Variants in COL25A1 observed in about 807,000 individuals in gnomAD.
COL25A1 encodes the protein collagen type XXV alpha 1 chain, also known as collagen alpha-1(XXV) chain.
In COL25A1, 103 loss-of-function variants were observed where a neutral mutation model predicts 128.4. The observed-to-expected ratio is 0.80, with a 90% CI of 0.68 to 0.94. The LOEUF (loss-of-function observed/expected upper bound fraction) is 0.94, where lower values mean the gene tolerates loss of function less well. Ranked by LOEUF, COL25A1 falls within the 40% of genes least tolerant of loss-of-function variation. The probability of loss-of-function intolerance (pLI) is 0.00; values close to 1 mark genes in which losing one functional copy is unlikely to be tolerated. For missense variants in COL25A1, 745 were observed against 840.0 expected, an observed-to-expected ratio of 0.89 and a Z score of 1.40; for synonymous variants, 279 against 277.2, an observed-to-expected ratio of 1.01 and a Z score of -0.06.
chr4:109,070,362 CTTT>C (rs34215492), intron 3 of COL25A1, among the ~76,000 whole-genome samples: 1 of 149,178 alleles, frequency 6.7e-6, no homozygotes, highest in African/African-American at 2.5e-5. Flanking sequence ...ATTTTTTAAT[CTTT>C]TTTTTTTTTA....
intron 19 of COL25A1, among the ~76,000 whole-genome samples, chr4:108,869,613 G>C (rs896138816): frequency 5.3e-5 from 8 of 152,206 alleles, no homozygotes; most frequent in African/African-American, 1.9e-4. Context: ...GAGAATCAGA[G>C]AGGTAGAGAA....
intron 3 of COL25A1, among the ~76,000 whole-genome samples, chr4:109,215,435 T>C (rs1218360639): frequency 6.6e-6 from 1 of 152,080 alleles, no homozygotes; most frequent in Non-Finnish European, 1.5e-5. Context: ...AAGAAAACAA[T>C]ATAGTTTATT....
intron 30 of COL25A1, among the ~76,000 whole-genome samples, chr4:108,843,430 G>T (rs1734699329): frequency 6.6e-6 from 1 of 152,118 alleles, no homozygotes; most frequent in East Asian, 1.9e-4. Context: ...TAGACTGCCT[G>T]ACTTGCTCTT....
At chr4:108,899,286 G>T in intron 14 of COL25A1, 106 bp from the exon 15 acceptor site, 1 of 1,032,884 alleles carries the variant, frequency 9.7e-7, no homozygotes, top group Non-Finnish European at 1.4e-6. Context: ...AATTATGCAT[G>T]ACATTTTCTA....
chr4:109,261,967 G>A (rs1055430564), intron 3 of COL25A1, among the ~76,000 whole-genome samples: 2 of 151,804 alleles, frequency 1.3e-5, no homozygotes, highest in African/African-American at 4.8e-5. Flanking sequence ...AAAGTGCTGG[G>A]ATTACAGGCA....
intron 5 of COL25A1, among the ~76,000 whole-genome samples, chr4:109,031,317 C>T (rs962818565): frequency 1.3e-5 from 2 of 151,852 alleles, no homozygotes; most frequent in Admixed American, 6.6e-5. Flanking sequence ...GGGGTTTCAC[C>T]GTGTTAGCCA....
intron 31 of COL25A1, chr4:108,838,136 G>C: frequency 1.3e-6 from 2 of 1,550,312 alleles, no homozygotes; most frequent in Non-Finnish European, 1.7e-6. Flanking sequence ...TTTTGACCTG[G>C]TTCACCCTTC....
intron 3 of COL25A1, among the ~76,000 whole-genome samples, chr4:109,166,949 C>T (rs1177017489): frequency 6.6e-6 from 1 of 152,028 alleles, no homozygotes; most frequent in Non-Finnish European, 1.5e-5. Context: ...GAGGAAAGTA[C>T]TTATAGGGTG....
chr4:108,927,513 G>C (rs151197547), intron 11 of COL25A1, among the ~76,000 whole-genome samples: 2 of 152,050 alleles, frequency 1.3e-5, no homozygotes, highest in Non-Finnish European at 2.9e-5. Context: ...CAGTTGTTCT[G>C]TTTAAGTATC....
chr4:108,940,484 A>G, intron 10 of COL25A1, 55 bp downstream of exon 10: 1 of 1,454,694 alleles, frequency 6.9e-7, no homozygotes, highest in Non-Finnish European at 9.7e-7. Flanking sequence ...CCTAGTTCTC[A>G]GCCCTTAACA....
At chr4:109,168,189 A>T (rs779564134) in intron 3 of COL25A1, among the ~76,000 whole-genome samples, 53 of 152,160 alleles carry the variant, frequency 3.5e-4, no homozygotes, top group Non-Finnish European at 6.0e-4. Flanking sequence ...TTTCAAGGTT[A>T]TGTGAAATTT....
At chr4:108,883,448 T>C (rs1052029066) in intron 19 of COL25A1, among the ~76,000 whole-genome samples, 1 of 152,160 alleles carries the variant, frequency 6.6e-6, no homozygotes, top group Admixed American at 6.5e-5. Context: ...TTCTAGAATA[T>C]ATAAAAAAAC....
chr4:108,814,141 G>T (rs1731032705), intron 37 of COL25A1, among the ~76,000 whole-genome samples: 2 of 152,038 alleles, frequency 1.3e-5, no homozygotes, highest in Admixed American at 1.3e-4. Flanking sequence ...TCCATCTGAG[G>T]TTCATTCCAC....
rs1560806262 is a variant in COL25A1, at chr4:108,886,476, G to GTTTTTTTT, written c.976-2255_976-2254insAAAAAAAA. The stretch of plus-strand genomic sequence containing the variant: ...TGTGTGTGTGTGTGTGTGTGTGTGT[G>GTTTTTTTT]TGTGTGTGTGTGTGTGTTTAGCTCA... On this transcript the variant is annotated intron_variant, in intron 18 of 37. Coordinates refer to ENST00000399132, the MANE Select transcript of COL25A1 (RefSeq NM_198721.4). Among the ~76,000 whole-genome samples the GTTTTTTTT allele has an allele frequency of 2.6e-4, 32 of 123,316 alleles. 1 individual carries two copies. The highest frequency in any genetic ancestry group is 9.2e-4 in the African/African-American group (29 of 31,424). 80.9% of individuals were successfully genotyped at this position (123,316 alleles called of 152,430 possible). A position where few individuals can be genotyped will look rare whatever the true frequency, so the allele number is the denominator to read the frequency against.
intron 5 of COL25A1, among the ~76,000 whole-genome samples, chr4:109,010,737 A>G (rs1756499463): frequency 6.6e-6 from 1 of 152,228 alleles, no homozygotes. Context: ...TGTGAGCCCA[A>G]ACTATGAGCT....
intron 6 of COL25A1, among the ~76,000 whole-genome samples, chr4:109,001,837 C>G (rs1256249463): frequency 3.3e-5 from 5 of 152,078 alleles, no homozygotes; most frequent in African/African-American, 1.2e-4. Flanking sequence ...AGGGATGGGT[C>G]TGAACATTTG....
intron 19 of COL25A1, among the ~76,000 whole-genome samples, chr4:108,878,133 CTG>C (rs1739682453): frequency 6.6e-6 from 1 of 152,104 alleles, no homozygotes; most frequent in Non-Finnish European, 1.5e-5. Context: ...AATGTCCTGA[CTG>C]ATTAGCTGTT....
chr4:109,073,875 T>G (rs1260247970), intron 3 of COL25A1, among the ~76,000 whole-genome samples: 1 of 152,196 alleles, frequency 6.6e-6, no homozygotes, highest in African/African-American at 2.4e-5. Context: ...AGGCCACAAC[T>G]AAAAATAACA....
At chr4:109,254,089 G>GA (rs536937780) in intron 3 of COL25A1, among the ~76,000 whole-genome samples, 3,381 of 68,470 alleles carry the variant, frequency 0.049, 133 homozygotes, top group South Asian at 0.22. Context: ...TCCGTCTCAA[G>GA]AAAAAAAAAA....
Sources: allele counts gnomAD v4.1 joint callset (sites outside exome capture counted in the v4.1 genomes callset), GRCh38; gene constraint gnomAD v4.1.1; transcripts MANE v1.5; gene names NCBI Gene and HGNC (gene_info 2026-07-23, HGNC 2026-07-21).